Variants in CECR2 observed in about 807,000 individuals in gnomAD.
The protein encoded by CECR2 is chromatin remodeling regulator CECR2.
Under a neutral mutation model 154.5 loss-of-function variants are expected in CECR2, and 30 were observed. The ratio of observed to expected loss-of-function variants is 0.19; its 90% confidence interval spans 0.15 to 0.26. The LOEUF (loss-of-function observed/expected upper bound fraction) is 0.26, where lower values mean the gene tolerates loss of function less well. CECR2 is among the 10% of genes least tolerant of loss of function. The pLI, the probability that CECR2 is intolerant of heterozygous loss-of-function variation, is 1.00. For missense variants in CECR2, 1,743 were observed against 1,829.3 expected (o/e 0.95, Z 0.86); for synonymous variants, 725 against 683.7 (o/e 1.06, Z -0.94).
intron 1 of CECR2, among the ~76,000 whole-genome samples, chr22:17,376,182 T>A (rs1294119464): frequency 6.6e-6 from 1 of 152,122 alleles, no homozygotes; most frequent in Admixed American, 6.6e-5. Context: ...CCAGGTCCCC[T>A]TTCTATTTAT....
At chr22:17,399,364 C>A (rs1358772103) in intron 1 of CECR2, among the ~76,000 whole-genome samples, 2 of 149,568 alleles carry the variant, frequency 1.3e-5, no homozygotes, top group African/African-American at 4.9e-5. Context: ...GAAGATGCTT[C>A]TTTTGAAGGG....
At chr22:17,530,391 A>C (rs1046732478) in intron 9 of CECR2, among the ~76,000 whole-genome samples, 4 of 151,956 alleles carry the variant, frequency 2.6e-5, no homozygotes, top group African/African-American at 9.7e-5. Context: ...AAAAAAAATA[A>C]GGCCAGGCGC....
chr22:17,540,897 C>T (rs750888544), intron 14 of CECR2, 97 bp downstream of exon 14: 11 of 1,283,362 alleles, frequency 8.6e-6, no homozygotes, highest in South Asian at 1.9e-5. Context: ...AAAATACTTA[C>T]GTGTATGTAT....
intron 1 of CECR2, among the ~76,000 whole-genome samples, chr22:17,446,390 C>T (rs533154490): frequency 1.9e-4 from 29 of 152,182 alleles, no homozygotes; most frequent in African/African-American, 5.3e-4. Flanking sequence ...AACGAAGCCA[C>T]GGAACTTAGC....
chr22:17,515,832 C>T (rs892391610), intron 8 of CECR2, among the ~76,000 whole-genome samples: 10 of 152,144 alleles, frequency 6.6e-5, no homozygotes, highest in African/African-American at 1.9e-4. Flanking sequence ...CCCGCCACCA[C>T]GCCCGGCTAA....
intron 1 of CECR2, among the ~76,000 whole-genome samples, chr22:17,386,597 A>G (rs1259172907): frequency 1.3e-5 from 2 of 151,462 alleles, no homozygotes; most frequent in Admixed American, 6.6e-5. Flanking sequence ...TCAGTTGCTC[A>G]GTATTTTAGC....
At chr22:17,445,349 A>G (rs2054642698) in intron 1 of CECR2, among the ~76,000 whole-genome samples, 1 of 152,072 alleles carries the variant, frequency 6.6e-6, no homozygotes, top group Admixed American at 6.6e-5. Flanking sequence ...AAAATAATAA[A>G]TGAACTCATG....
chr22:17,546,499 A>G (rs1016156533), intron 16 of CECR2, among the ~76,000 whole-genome samples: 4 of 151,840 alleles, frequency 2.6e-5, no homozygotes, highest in African/African-American at 4.8e-5. Context: ...AAAAAAAAAA[A>G]AAAAAAAATC....
Position 17,511,884 on chromosome 22 carries a change from C to T in CECR2, c.942C>T (p.Pro314=), listed in dbSNP as rs369053722. The change falls in exon 8 of 19, where the codon CCC becomes CCT. Residue 314 remains proline, a synonymous_variant. Transcript: ENST00000262608. ...TGTCTGACCACCTGTCCATCAAACC[C>T]GTCAAGCAAGAGGTGAGTGTGGGTG... The part of the protein sequence containing the change: ...RWMSDHLSIK[P]VKQEETPVLT... 162 of 1,611,428 alleles carry T rather than the reference C, an allele frequency of 1.0e-4. No individual in the cohort carries two copies. The highest frequency in any genetic ancestry group is 3.3e-4 in the Middle Eastern group (2 of 6,078).
intron 2 of CECR2, among the ~76,000 whole-genome samples, chr22:17,481,058 A>AAAAAAAAAAAAAAAAAAAAAAT (rs1555915495): frequency 7.0e-6 from 1 of 143,360 alleles, no homozygotes; most frequent in Non-Finnish European, 1.5e-5. Flanking sequence ...TTAAAAAAAA[A>AAAAAAAAAAAAAAAAAAAAAAT]AAAGGCCGGG....
At position 17,414,355 on chromosome 22, in the gene CECR2, T is replaced by C. The variant is rs192636839; in HGVS notation, c.126+44446T>C. ...GTTTTGAAGTGTATTGCAGGTACTT[T>C]ATTACTGATTGTGAATTCCCTAAGT... On this transcript the variant is annotated intron_variant, in intron 1 of 18. Coordinates refer to ENST00000262608, the MANE Select transcript of CECR2 (RefSeq NM_001290047.2). 4.3e-4 allele frequency among the ~76,000 whole-genome samples: 65 copies of C among 152,316 alleles called. 1 individual carries two copies. Among genetic ancestry groups the C allele is most frequent in the African/African-American group, 1.5e-3 (63 of 41,574 alleles).
chr22:17,418,261 A>G (rs1024326035), intron 1 of CECR2, among the ~76,000 whole-genome samples: 5 of 152,178 alleles, frequency 3.3e-5, no homozygotes, highest in Admixed American at 3.3e-4. Flanking sequence ...TGCAATCATA[A>G]CATATGCCGT....
At position 17,479,684 on chromosome 22, in the gene CECR2, C is replaced by T. The variant is rs117866816; in HGVS notation, c.221+2002C>T. Among the ~76,000 whole-genome samples, 770 of 151,830 alleles carry T rather than the reference C, an allele frequency of 5.1e-3. 19 individuals are homozygous for T. The East Asian group carries it at 0.088, about 17-fold the overall frequency. On this transcript the variant is annotated intron_variant, in intron 2 of 18. Transcript: ENST00000262608. ...TATGTCCTGTTCTTTAAGAACTCCC[C>T]TTATCTAATCATTCTAACTAGAATC...
At chr22:17,481,049 T>TAAATAAAAAAAAAAAAAAAAAAAAAAA (rs2055304201) in intron 2 of CECR2, among the ~76,000 whole-genome samples, 1 of 92,068 alleles carries the variant, frequency 1.1e-5, no homozygotes, top group African/African-American at 3.7e-5. Context: ...CTTTTTTTTT[T>TAAATAAAAAAAAAAAAAAAAAAAAAAA]AAAAAAAAAA....
intron 1 of CECR2, among the ~76,000 whole-genome samples, chr22:17,398,528 G>T (rs1039973115): frequency 6.6e-6 from 1 of 152,216 alleles, no homozygotes; most frequent in African/African-American, 2.4e-5. Context: ...TTTATTGAGA[G>T]AAGTGGTGGT....
At chr22:17,405,921 C>T (rs2053977518) in intron 1 of CECR2, among the ~76,000 whole-genome samples, 1 of 152,170 alleles carries the variant, frequency 6.6e-6, no homozygotes, top group Admixed American at 6.5e-5. Context: ...ACATCCTGGT[C>T]TTGTTCCTCA....
chr22:17,549,271 A>G lies in CECR2; in HGVS notation c.3984A>G (p.Gly1328=). The G allele has an allele frequency of 6.2e-7, 1 of 1,613,930 alleles. No individual in the cohort carries two copies. The highest frequency in any genetic ancestry group is 1.1e-5 in the South Asian group (1 of 91,078). ...GAACTCCTCCGCCTCTGAGTTCAGG[A>G]ATGGGATTTGGTTCATCTGCATTTC... The part of the protein sequence containing the change: ...LYGTPPPLSS[G]MGFGSSAFPP... Residue 1328 remains glycine, a synonymous_variant, in exon 17 of 19, where the codon GGA becomes GGG. Transcript: ENST00000262608.
At chr22:17,381,842 C>T (rs2063194658) in intron 1 of CECR2, among the ~76,000 whole-genome samples, 1 of 151,926 alleles carries the variant, frequency 6.6e-6, no homozygotes, top group Admixed American at 6.5e-5. Context: ...GGGGGTCATG[C>T]TGAGTAAGTC....
chr22:17,537,736 T>C (rs1255078823), intron 10 of CECR2, among the ~76,000 whole-genome samples: 1 of 152,192 alleles, frequency 6.6e-6, no homozygotes, highest in Non-Finnish European at 1.5e-5. Context: ...CTCACGCCTG[T>C]AATCCCAGCA....
Sources: allele counts gnomAD v4.1 joint callset (sites outside exome capture counted in the v4.1 genomes callset), GRCh38; gene constraint gnomAD v4.1.1; transcripts MANE v1.5; gene names NCBI Gene and HGNC (gene_info 2026-07-23, HGNC 2026-07-21).